ABHD12: variants seen among roughly 807,000 people sequenced by gnomAD.
ABHD12 encodes the protein lysophosphatidylserine lipase ABHD12.
ABHD12 carries 43 observed loss-of-function variants against 58.3 expected under a neutral mutation model. That is an observed-to-expected ratio of 0.74 (90% CI 0.58 to 0.95). ABHD12 has a LOEUF of 0.95. Ranked by LOEUF, ABHD12 falls within the 40% of genes least tolerant of loss-of-function variation. The pLI is 0.00. For missense variants in ABHD12, 539 were observed against 537.2 expected, an observed-to-expected ratio of 1.00 and a Z score of -0.03; for synonymous variants, 219 against 211.2, an observed-to-expected ratio of 1.04 and a Z score of -0.32.
At chr20:25,345,561 A>G (rs2089507603) in intron 1 of ABHD12, among the ~76,000 whole-genome samples, 1 of 152,250 alleles carries the variant, frequency 6.6e-6, no homozygotes. Context: ...GATGAAAGAC[A>G]GTTATACAAA....
chr20:25,318,932 C>T lies in ABHD12; in HGVS notation c.542+1267G>A, dbSNP rs369904531. 4.3e-4 allele frequency among the ~76,000 whole-genome samples: 66 copies of T among 152,348 alleles called. No homozygotes were observed. In the East Asian group the frequency reaches 0.011, roughly 26 times the overall value. Reference sequence around the variant, plus strand: ...ATGCCGCCAGGCTCTTTCAGCAATGCTCTCTGCAGGGTTCCACCATGCAGA... The same window carrying T: ...ATGCCGCCAGGCTCTTTCAGCAATGTTCTCTGCAGGGTTCCACCATGCAGA... On this transcript the variant is annotated intron_variant, in intron 4 of 12. Transcript: ENST00000339157.
At chr20:25,316,986 C>T (rs953741889) in intron 5 of ABHD12, 62 bp downstream of exon 5, 81 of 1,484,334 alleles carry the variant, frequency 5.5e-5, no homozygotes, top group Non-Finnish European at 5.2e-5. Context: ...TGGTGACTCC[C>T]TTCACTTCCT....
intron 1 of ABHD12, among the ~76,000 whole-genome samples, chr20:25,341,817 C>T (rs1411679614): frequency 2.0e-5 from 3 of 151,940 alleles, no homozygotes; most frequent in Admixed American, 6.6e-5. Flanking sequence ...TGAGAGAAAA[C>T]GAAAAGCCCA....
At chr20:25,295,796 G>T, downstream of ABHD12, 1 of 1,081,668 alleles carries the variant, frequency 9.2e-7, no homozygotes, top group East Asian at 2.5e-5. Context: ...TTGTGATTCT[G>T]ATCTGTCATC....
intron 1 of ABHD12, among the ~76,000 whole-genome samples, chr20:25,347,660 T>C (rs2089537699): frequency 1.3e-5 from 1 of 75,726 alleles, no homozygotes. Flanking sequence ...ACTCTGTCTC[T>C]ATAAAAAAAA....
At chr20:25,337,796 G>A (rs2089397564) in intron 2 of ABHD12, among the ~76,000 whole-genome samples, 1 of 152,130 alleles carries the variant, frequency 6.6e-6, no homozygotes, top group South Asian at 2.1e-4. Context: ...TACATTTAAG[G>A]AACATTAAAG....
intron 3 of ABHD12, among the ~76,000 whole-genome samples, chr20:25,322,381 A>ATTT (rs199757666): frequency 1.9e-4 from 11 of 59,256 alleles, no homozygotes; most frequent in African/African-American, 3.3e-4. Flanking sequence ...ATATATATAT[A>ATTT]TTTTTTTTTT....
chr20:25,294,992 A>AC lies in ABHD12; in HGVS notation c.1195_1196insG (p.Met399SerfsTer13). 4 of 1,614,196 alleles carry AC rather than the reference A, an allele frequency of 2.5e-6. No homozygotes were observed. Among genetic ancestry groups the AC allele is most frequent in the Non-Finnish European group, 3.4e-6 (4 of 1,180,032 alleles). ...CTTCAGTCACACCAGCTCTGACCAC[A>AC]TGCTGGGATCTGGGCTGGAACCTGG... On this transcript the variant is annotated frameshift_variant, in exon 13 of 13. Coordinates refer to the ABHD12 transcript ENST00000376542. LOFTEE classifies it high-confidence loss of function.
chr20:25,312,481 C>T (rs1412466156), intron 6 of ABHD12, among the ~76,000 whole-genome samples: 3 of 152,138 alleles, frequency 2.0e-5, no homozygotes, highest in Non-Finnish European at 4.4e-5. Flanking sequence ...TCACTCAGTG[C>T]TCAATGTTGC....
intron 6 of ABHD12, among the ~76,000 whole-genome samples, chr20:25,310,828 G>A (rs530683570): frequency 6.6e-6 from 1 of 152,294 alleles, no homozygotes; most frequent in East Asian, 1.9e-4. Flanking sequence ...AGGGACAGTC[G>A]GAGATGGAGC....
chr20:25,374,546 TGCAGTG>T (rs1325706610), intron 1 of ABHD12, among the ~76,000 whole-genome samples: 2 of 152,218 alleles, frequency 1.3e-5, no homozygotes, highest in African/African-American at 2.4e-5. Context: ...CAGGCTGGAG[TGCAGTG>T]GCACGATCTC....
At chr20:25,347,324 C>T (rs979372986) in intron 1 of ABHD12, among the ~76,000 whole-genome samples, 25 of 152,184 alleles carry the variant, frequency 1.6e-4, no homozygotes, top group African/African-American at 6.0e-4. Flanking sequence ...CAGCACCCTT[C>T]TCTCTCCTGG....
chr20:25,390,628 C>A lies in ABHD12; in HGVS notation c.76G>T (p.Ala26Ser), dbSNP rs1568785807. ...CAGTCGGCGTCCAGCGCCGCGGCGG[C>A]CGAGCCGGAGGAGGACGAGCCCGCG... ...AAAGSSSSGS[A>S]AAALDADCRL... The change falls in exon 1 of 13, where the codon GCC (alanine) becomes TCC (serine). Residue 26 changes from alanine (A) to serine (S), a missense_variant. Coordinates refer to ENST00000339157, the MANE Select transcript of ABHD12 (RefSeq NM_001042472.3). 1.4e-6 allele frequency: 2 copies of A among 1,458,928 alleles called. No homozygotes were observed. Among genetic ancestry groups the A allele is most frequent in the South Asian group, 2.6e-5 (2 of 77,204 alleles). The allele number at this position is 1,458,928 out of a possible 1,614,324, so 90.4% of individuals were successfully genotyped here. A position where few individuals can be genotyped will look rare whatever the true frequency, so the allele number is the denominator to read the frequency against.
chr20:25,380,112 TCTGCC>T (rs1174078357), intron 1 of ABHD12, among the ~76,000 whole-genome samples: 1 of 152,216 alleles, frequency 6.6e-6, no homozygotes, highest in Non-Finnish European at 1.5e-5. Context: ...CAGTGTTTAA[TCTGCC>T]CTTCAGTGTA....
At chr20:25,318,623 G>A (rs532519899) in intron 4 of ABHD12, among the ~76,000 whole-genome samples, 32 of 151,534 alleles carry the variant, frequency 2.1e-4, no homozygotes, top group African/African-American at 7.7e-4. Context: ...AACACTGAAA[G>A]TCACGGCATC....
At chr20:25,332,548 C>A (rs200642144) in intron 2 of ABHD12, among the ~76,000 whole-genome samples, 274 of 151,234 alleles carry the variant, frequency 1.8e-3, no homozygotes, top group African/African-American at 6.2e-3. Flanking sequence ...TTGACCACAT[C>A]CTTGGAAGTA....
intron 1 of ABHD12, among the ~76,000 whole-genome samples, chr20:25,346,553 C>T (rs1047561849): frequency 6.6e-6 from 1 of 152,148 alleles, no homozygotes; most frequent in Non-Finnish European, 1.5e-5. Context: ...GTGTGGCATA[C>T]CATGTGTGGT....
At chr20:25,341,370 T>C (rs1158733285) in intron 1 of ABHD12, among the ~76,000 whole-genome samples, 1 of 152,192 alleles carries the variant, frequency 6.6e-6, no homozygotes, top group Non-Finnish European at 1.5e-5. Flanking sequence ...AACTAGATGA[T>C]GGGGAAAACA....
chr20:25,316,648 T>C (rs966711441), intron 5 of ABHD12, among the ~76,000 whole-genome samples: 7 of 151,948 alleles, frequency 4.6e-5, no homozygotes, highest in African/African-American at 1.7e-4. Flanking sequence ...AGCACGCCCA[T>C]CCAAAGGCAG....
Sources: gnomAD v4.1 joint callset for allele counts (sites outside exome capture counted in the v4.1 genomes callset) on GRCh38, gnomAD v4.1.1 for gene constraint, MANE v1.5 for transcripts, NCBI Gene and HGNC (gene_info 2026-07-23, HGNC 2026-07-21) for gene names.